MALRD1: variants seen among roughly 807,000 people sequenced by gnomAD.
The protein encoded by MALRD1 is MAM and LDL-receptor class A domain-containing protein 1.
In MALRD1, 247 loss-of-function variants were observed where a neutral mutation model predicts 242.1. That is an observed-to-expected ratio of 1.02 (90% CI 0.92 to 1.13). The LOEUF (loss-of-function observed/expected upper bound fraction) is 1.13. Ranked by LOEUF, MALRD1 falls within the 50% of genes most tolerant of loss-of-function variation. The pLI, the probability that MALRD1 is intolerant of heterozygous loss-of-function variation, is 0.00. For synonymous variants in MALRD1, 995 were observed against 866.6 expected (o/e 1.15, Z -2.60); for missense variants, 2,989 against 2,533.1 (o/e 1.18, Z -3.86).
Position 19,270,332 on chromosome 10 carries a change from TCTCTCA to T in MALRD1, c.3080-9713_3080-9708del, listed in dbSNP as rs1487948563. ...TCTCTCTCTCTTCTCTCTCTCTCTC[TCTCTCA>T]CACACACACACACACACACACACAC... is the stretch of plus-strand genomic sequence containing the variant. On this transcript the variant is annotated intron_variant, in intron 19 of 39. Coordinates refer to ENST00000454679, the MANE Select transcript of MALRD1 (RefSeq NM_001142308.3). Among the ~76,000 whole-genome samples the T allele has an allele frequency of 4.5e-3, 328 of 72,662 alleles. 2 individuals are homozygous for T. The highest frequency in any genetic ancestry group is 0.014 in the African/African-American group (299 of 21,154). 47.7% of individuals were successfully genotyped at this position (72,662 alleles called of 152,430 possible).
At chr10:19,686,728 C>G (rs1435958174) in intron 36 of MALRD1, among the ~76,000 whole-genome samples, 1 of 152,078 alleles carries the variant, frequency 6.6e-6, no homozygotes, top group Non-Finnish European at 1.5e-5. Context: ...TGTGACAATC[C>G]CAACCAAATC....
intron 28 of MALRD1, among the ~76,000 whole-genome samples, chr10:19,400,325 T>C (rs1465758144): frequency 6.6e-6 from 1 of 152,158 alleles, no homozygotes; most frequent in African/African-American, 2.4e-5. Flanking sequence ...CACTGGAACC[T>C]CTCTGAGGTT....
rs562322997 is a variant in MALRD1, at chr10:19,166,360, G to A, written c.1830+550G>A. 2.6e-5 allele frequency among the ~76,000 whole-genome samples: 4 copies of A among 152,312 alleles called. No individual in the cohort carries two copies. The South Asian group carries it at 8.3e-4, about 32-fold the overall frequency. ...AAATATGGCAGGTTCTCACTCATGTGTGGGAACTAAAAAGTTGATCTCATG... is the reference window on the plus strand; with the variant it reads ...AAATATGGCAGGTTCTCACTCATGTATGGGAACTAAAAAGTTGATCTCATG... On this transcript the variant is annotated intron_variant, in intron 13 of 39. Transcript: ENST00000454679.
At chr10:19,495,415 C>T (rs1204284197) in intron 30 of MALRD1, among the ~76,000 whole-genome samples, 1 of 150,748 alleles carries the variant, frequency 6.6e-6, no homozygotes, top group African/African-American at 2.4e-5. Flanking sequence ...ACCTTCCAAG[C>T]CAGAAAAATT....
At chr10:19,102,912 G>A (rs1345233704) in intron 4 of MALRD1, among the ~76,000 whole-genome samples, 2 of 151,432 alleles carry the variant, frequency 1.3e-5, no homozygotes, top group Non-Finnish European at 2.9e-5. Context: ...GTAGTGGTGC[G>A]ATCTCTGCTC....
At chr10:19,701,641 C>T (rs983286653) in intron 38 of MALRD1, among the ~76,000 whole-genome samples, 2 of 151,828 alleles carry the variant, frequency 1.3e-5, no homozygotes, top group Non-Finnish European at 2.9e-5. Flanking sequence ...GGAGATAAAC[C>T]TTTACCAAGT....
chr10:19,475,017 T>G (rs1836664222), intron 29 of MALRD1, among the ~76,000 whole-genome samples: 1 of 152,258 alleles, frequency 6.6e-6, no homozygotes, highest in South Asian at 2.1e-4. Flanking sequence ...TATCCCTATT[T>G]ATCACATGAG....
chr10:19,491,135 G>A (rs1406939603), intron 29 of MALRD1: 2 of 402,906 alleles, frequency 5.0e-6, no homozygotes, highest in Non-Finnish European at 1.0e-5. Context: ...GGAGCATTAC[G>A]AGCAGCACAA....
chr10:19,395,716 G>A (rs1398800951), intron 28 of MALRD1, among the ~76,000 whole-genome samples: 1 of 152,170 alleles, frequency 6.6e-6, no homozygotes, highest in Non-Finnish European at 1.5e-5. Flanking sequence ...ACATCACAAT[G>A]CTCTAGTTAT....
At chr10:19,098,715 A>G (rs1233522240) in intron 4 of MALRD1, among the ~76,000 whole-genome samples, 1 of 152,150 alleles carries the variant, frequency 6.6e-6, no homozygotes, top group African/African-American at 2.4e-5. Flanking sequence ...CCTGAGGTTC[A>G]TTGTTTCATG....
At chr10:19,458,713 G>A (rs576273526) in intron 29 of MALRD1, among the ~76,000 whole-genome samples, 1 of 152,194 alleles carries the variant, frequency 6.6e-6, no homozygotes, top group East Asian at 1.9e-4. Flanking sequence ...TTAAAATGTA[G>A]TGTACAATTT....
intron 31 of MALRD1, among the ~76,000 whole-genome samples, chr10:19,507,833 G>A (rs1436198319): frequency 6.6e-6 from 1 of 152,134 alleles, no homozygotes; most frequent in Non-Finnish European, 1.5e-5. Flanking sequence ...ACAGGTGGGT[G>A]ACACAAAAGT....
chr10:19,389,706 C>G (rs1464339796), intron 28 of MALRD1, 97 bp downstream of exon 28: 2 of 1,285,458 alleles, frequency 1.6e-6, no homozygotes, highest in East Asian at 2.6e-5. Flanking sequence ...GTGGTGCAGT[C>G]ATGGCTTACT....
chr10:19,084,180 G>A lies in MALRD1; in HGVS notation c.341-3660G>A, dbSNP rs907551905. 5.9e-5 allele frequency among the ~76,000 whole-genome samples: 9 copies of A among 152,010 alleles called. No individual in the cohort carries two copies. In the East Asian group the frequency reaches 1.7e-3, roughly 30 times the overall value. ...TTACCTGGTTCTGTTGAGCTTGCTA[G>A]CTTAATAAATTGGTATGAGTCAAAA... is the stretch of plus-strand genomic sequence containing the variant. On this transcript the variant is annotated intron_variant, in intron 2 of 39. Transcript: ENST00000454679.
rs191501693 is a variant in MALRD1, at chr10:19,579,803, T to C, written c.5680+12100T>C. On this transcript the variant is annotated intron_variant, in intron 33 of 39. Transcript: ENST00000454679. Reference sequence around the variant, plus strand: ...AGTTCTTCCTTTGGGAAATGTGTGCTGGAAGAAATGTGAACATTGAATTAA... The same window carrying C: ...AGTTCTTCCTTTGGGAAATGTGTGCCGGAAGAAATGTGAACATTGAATTAA... Among the ~76,000 whole-genome samples the C allele has an allele frequency of 9.3e-4, 141 of 152,290 alleles. 1 individual carries two copies. The highest frequency in any genetic ancestry group is 1.4e-3 in the Non-Finnish European group (95 of 68,012).
chr10:19,690,771 A>G (rs1842785090), intron 36 of MALRD1, among the ~76,000 whole-genome samples: 1 of 151,982 alleles, frequency 6.6e-6, no homozygotes, highest in Admixed American at 6.6e-5. Context: ...GGCAGTGTAG[A>G]TAATAGATAG....
chr10:19,136,086 T>C (rs1200959435), intron 9 of MALRD1, among the ~76,000 whole-genome samples: 4 of 152,238 alleles, frequency 2.6e-5, no homozygotes, highest in Non-Finnish European at 5.9e-5. Context: ...GTTTGCCTGA[T>C]ATTTTTCTTC....
intron 14 of MALRD1, among the ~76,000 whole-genome samples, chr10:19,186,667 A>AT (rs372365774): frequency 6.6e-5 from 10 of 151,526 alleles, no homozygotes; most frequent in African/African-American, 1.7e-4. Flanking sequence ...GAGAGAGTGG[A>AT]TTTTTTTTTC....
chr10:19,176,576 T>G (rs1835257130), intron 14 of MALRD1, among the ~76,000 whole-genome samples: 2 of 149,774 alleles, frequency 1.3e-5, no homozygotes, highest in Non-Finnish European at 3.0e-5. Context: ...GGGTTTCACC[T>G]TGTTAGCCAG....
Sources: allele counts gnomAD v4.1 joint callset (sites outside exome capture counted in the v4.1 genomes callset), GRCh38; gene constraint gnomAD v4.1.1; transcripts MANE v1.5; gene names NCBI Gene and HGNC (gene_info 2026-07-23, HGNC 2026-07-21).